The following FBLN2 variants were observed in gnomAD, a reference collection of about 807,000 sequenced individuals.
FBLN2 encodes the protein fibulin-2.
FBLN2 carries 81 observed loss-of-function variants against 123.7 expected under a neutral mutation model. The ratio of observed to expected loss-of-function variants is 0.65; its 90% CI spans 0.55 to 0.79. FBLN2 has a LOEUF of 0.79. Ranked by LOEUF, FBLN2 falls within the 30% of genes least tolerant of loss-of-function variation. FBLN2 has a pLI of 0.00. For missense variants in FBLN2, 1,603 were observed against 1,681.3 expected, an observed-to-expected ratio of 0.95 and a Z score of 0.81; for synonymous variants, 699 against 701.4, an observed-to-expected ratio of 1.00 and a Z score of 0.05.
At chr3:13,606,398 T>C (rs1705204214) in intron 2 of FBLN2, among the ~76,000 whole-genome samples, 1 of 152,238 alleles carries the variant, frequency 6.6e-6, no homozygotes, top group Non-Finnish European at 1.5e-5. Flanking sequence ...TTAATTTTTG[T>C]AACCTATAGC....
intron 2 of FBLN2, 35 bp downstream of exon 2, chr3:13,571,696 G>A (rs1363083519): frequency 2.0e-6 from 3 of 1,498,150 alleles, no homozygotes; most frequent in Non-Finnish European, 2.7e-6. Context: ...AGGGCACTTT[G>A]TGTGGGAAGG....
chr3:13,613,329 T>C (rs1186492033), intron 4 of FBLN2, among the ~76,000 whole-genome samples: 1 of 152,228 alleles, frequency 6.6e-6, no homozygotes, highest in Admixed American at 6.5e-5. Flanking sequence ...AAAGATTGAA[T>C]AATTGTTGCC....
chr3:13,638,293 C>A lies in FBLN2; in HGVS notation c.*374C>A. ...ATGTTCCACTGTGATTAATTCTTTT[C>A]TTTTTTAAAAAATCATTTTAAAGTT... On this transcript the variant is annotated 3_prime_UTR_variant, in exon 18 of 18. Coordinates refer to ENST00000404922, the MANE Select transcript of FBLN2 (RefSeq NM_001004019.2). 2.2e-6 allele frequency: 1 copy of A among 448,460 alleles called. No homozygotes were observed. The highest frequency in any genetic ancestry group is 4.1e-6 in the Non-Finnish European group (1 of 242,464). 27.8% of individuals were successfully genotyped at this position (448,460 alleles called of 1,614,324 possible).
At chr3:13,573,770 G>T (rs750436650) in intron 2 of FBLN2, among the ~76,000 whole-genome samples, 6 of 152,112 alleles carry the variant, frequency 3.9e-5, no homozygotes, top group South Asian at 2.1e-4. Flanking sequence ...TGGCGTGGTG[G>T]CAGGCGCCCG....
chr3:13,574,655 G>A (rs1704075987), intron 2 of FBLN2, among the ~76,000 whole-genome samples: 1 of 152,152 alleles, frequency 6.6e-6, no homozygotes, highest in Admixed American at 6.5e-5. Flanking sequence ...TGGCAACGCG[G>A]CTGGAGGGGT....
At position 13,630,710 on chromosome 3, in the gene FBLN2, T is replaced by C. The variant is rs1262417482; in HGVS notation, c.2980T>C (p.Cys994Arg). The change falls in exon 15 of 18, where the codon TGT (cysteine) becomes CGT (arginine). Residue 994 changes from cysteine (C) to arginine (R), a missense_variant. Physicochemically the swap from Cys to Arg is radical, Grantham distance 180. Transcript: ENST00000404922. ...DGKRCEDVNE[C>R]EAQRCSQECA... ...TGGTGTCCCTGCAGACGTGAATGAG[T>C]GTGAGGCCCAGCGCTGCAGCCAGGA... 1 of 1,605,192 alleles carries C rather than the reference T, an allele frequency of 6.2e-7. No homozygotes were observed. The highest frequency in any genetic ancestry group is 1.3e-5 in the African/African-American group (1 of 74,866).
rs201485015 is a variant in FBLN2, at chr3:13,618,137, G to T, written c.1791G>T (p.Pro597=). 10 of 1,613,580 alleles carry T rather than the reference G, an allele frequency of 6.2e-6. No homozygotes were observed. The highest frequency in any genetic ancestry group is 8.5e-6 in the Non-Finnish European group (10 of 1,179,906). Residue 597 remains proline, a synonymous_variant, in exon 6 of 18, where the codon CCG becomes CCT. Coordinates refer to ENST00000404922, the MANE Select transcript of FBLN2 (RefSeq NM_001004019.2). ...ALSLGTEAEL[P]NSLPGDDQDE... ...CACTGGGCACAGAGGCCGAGCTGCC[G>T]AACAGCCTGCCGGGCGATGACCAGG... is the stretch of plus-strand genomic sequence containing the variant.
At position 13,616,643 on chromosome 3, in the gene FBLN2, G is replaced by A. The variant is rs534078937; in HGVS notation, c.1730-1433G>A. On this transcript the variant is annotated intron_variant, in intron 5 of 17. Coordinates refer to ENST00000404922, the MANE Select transcript of FBLN2 (RefSeq NM_001004019.2). ...AGCTACTCTCTCTGTGGGCTCTGCT[G>A]CCTGGGTGGGGTGGGAAGGAGGCCC... Among the ~76,000 whole-genome samples the A allele has an allele frequency of 1.0e-3, 158 of 152,334 alleles. 1 individual carries two copies. In the South Asian group the frequency reaches 0.032, roughly 31 times the overall value.
chr3:13,626,618 C>G (rs1189031387), intron 10 of FBLN2, 39 bp downstream of exon 10: 1 of 1,508,260 alleles, frequency 6.6e-7, no homozygotes, highest in African/African-American at 1.4e-5. Context: ...AGGCCCCGCC[C>G]CATGGCCAGT....
At chr3:13,563,261 G>A (rs1178748115) in intron 1 of FBLN2, among the ~76,000 whole-genome samples, 1 of 152,144 alleles carries the variant, frequency 6.6e-6, no homozygotes, top group Non-Finnish European at 1.5e-5. Context: ...GGCCACTGTG[G>A]GTGCCCACCC....
chr3:13,626,473 C>T lies in FBLN2; in HGVS notation c.2325C>T (p.His775=). 1 of 1,582,402 alleles carries T rather than the reference C, an allele frequency of 6.3e-7. No individual in the cohort carries two copies. The highest frequency in any genetic ancestry group is 8.6e-7 in the Non-Finnish European group (1 of 1,163,986). The change falls in exon 10 of 18, where the codon CAC becomes CAT. Residue 775 remains histidine, a synonymous_variant. Coordinates refer to ENST00000404922, the MANE Select transcript of FBLN2 (RefSeq NM_001004019.2). Reference sequence around the variant, plus strand: ...TCAACGAGTGTGTGACGGACCTGCACACGTGCAGCCGGGGCGAGCACTGTG... The same window carrying T: ...TCAACGAGTGTGTGACGGACCTGCATACGTGCAGCCGGGGCGAGCACTGTG... ...VDINECVTDL[H]TCSRGEHCVN...
chr3:13,637,505 G>T (rs545887108), intron 17 of FBLN2, 57 bp from the exon 18 acceptor site: 17 of 1,456,038 alleles, frequency 1.2e-5, no homozygotes, highest in East Asian at 2.4e-5. Context: ...CTGTGTCCCC[G>T]TCTGGGGATG....
chr3:13,563,056 C>T (rs1246314141), intron 1 of FBLN2, among the ~76,000 whole-genome samples: 4 of 152,144 alleles, frequency 2.6e-5, no homozygotes, highest in Non-Finnish European at 5.9e-5. Flanking sequence ...CCGTGTGACT[C>T]GAGTCTATCA....
At chr3:13,626,605 T>C in intron 10 of FBLN2, 26 bp downstream of exon 10, 1 of 1,520,902 alleles carries the variant, frequency 6.6e-7, no homozygotes, top group Non-Finnish European at 8.9e-7. Flanking sequence ...AAGGACCAAC[T>C]GGAGGCCCCG....
At chr3:13,550,878 C>T (rs1000112278) in intron 1 of FBLN2, among the ~76,000 whole-genome samples, 1 of 152,214 alleles carries the variant, frequency 6.6e-6, no homozygotes, top group Admixed American at 6.5e-5. Context: ...TTGTTTGGCT[C>T]TCACCATGTT....
chr3:13,576,720 T>TCAC (rs1704156238), intron 2 of FBLN2, among the ~76,000 whole-genome samples: 1 of 135,872 alleles, frequency 7.4e-6, no homozygotes, highest in African/African-American at 2.8e-5. Flanking sequence ...GTCAGGGGGA[T>TCAC]CCCCCCCCCC....
At chr3:13,613,246 G>A (rs1034819233) in intron 4 of FBLN2, among the ~76,000 whole-genome samples, 2 of 152,248 alleles carry the variant, frequency 1.3e-5, no homozygotes, top group African/African-American at 4.8e-5. Context: ...GCACAACCAA[G>A]AGGTTGGGAA....
chr3:13,588,588 C>G (rs1044756148), intron 2 of FBLN2, among the ~76,000 whole-genome samples: 1 of 152,218 alleles, frequency 6.6e-6, no homozygotes, highest in Non-Finnish European at 1.5e-5. Context: ...TGCCTCTTCT[C>G]CAGGCAGGAC....
chr3:13,557,098 T>C (rs73146683), intron 1 of FBLN2, among the ~76,000 whole-genome samples: 2,442 of 152,366 alleles, frequency 0.016, 42 homozygotes, highest in African/African-American at 0.041. Flanking sequence ...CTTCAAGAGC[T>C]CAGGGAGGAG....
Sources: allele counts gnomAD v4.1 joint callset (sites outside exome capture counted in the v4.1 genomes callset), GRCh38; gene constraint gnomAD v4.1.1; transcripts MANE v1.5; gene names NCBI Gene and HGNC (gene_info 2026-07-23, HGNC 2026-07-21).